Variants in TNFAIP8L3 observed in about 807,000 individuals in gnomAD.
The protein encoded by TNFAIP8L3 is TNF alpha induced protein 8 like 3, also known as tumor necrosis factor alpha-induced protein 8-like protein 3.
Under a neutral mutation model 11.8 loss-of-function variants are expected in TNFAIP8L3, and 7 were observed. The observed-to-expected ratio is 0.59, with a 90% confidence interval of 0.34 to 1.11. The LOEUF (loss-of-function observed/expected upper bound fraction) is 1.11, where lower values mean the gene tolerates loss of function less well. TNFAIP8L3 is among the 50% of genes most tolerant of loss of function. The probability of loss-of-function intolerance (pLI) is 0.03; values close to 1 mark genes in which losing one functional copy is unlikely to be tolerated. For synonymous variants in TNFAIP8L3, 98 were observed against 103.8 expected (o/e 0.94, Z 0.34); for missense variants, 219 against 258.6 (o/e 0.85, Z 1.05).
chr15:51,095,223 CGG>C (rs2065505208), upstream of TNFAIP8L3, among the ~76,000 whole-genome samples: 1 of 22,098 alleles, frequency 4.5e-5, no homozygotes, highest in Non-Finnish European at 9.4e-5. Flanking sequence ...GGAAGGGGGG[CGG>C]GGAATAAGGG....
intron 1 of TNFAIP8L3, among the ~76,000 whole-genome samples, chr15:51,101,160 G>A (rs749961884): frequency 3.3e-5 from 5 of 152,172 alleles, no homozygotes; most frequent in Non-Finnish European, 7.4e-5. Flanking sequence ...TTCATGAGGT[G>A]ACCCCAACCC....
At position 51,058,404 on chromosome 15, in the gene TNFAIP8L3, G is replaced by T; in HGVS notation, c.92C>A (p.Ala31Asp). The T allele has an allele frequency of 6.2e-7, 1 of 1,610,984 alleles. No homozygotes were observed. ...TATTTTGCTCAGAATCTTCTTCTGG[G>T]CTTGAAGCGCAAGACTCTTTGAACT... The part of the protein sequence containing the change: ...VFSSKSLALQ[A>D]QKKILSKIAS... Residue 31 changes from alanine to aspartate, a missense_variant, in exon 2 of 2, where the codon GCC (alanine) becomes GAC (aspartate). By Grantham distance (126) the Ala-to-Asp change is moderately radical. Transcript: ENST00000637513.
At chr15:51,074,595 T>G (rs528065945) in intron 1 of TNFAIP8L3, among the ~76,000 whole-genome samples, 6 of 152,364 alleles carry the variant, frequency 3.9e-5, no homozygotes, top group African/African-American at 1.4e-4. Context: ...ACCAGAGGCC[T>G]GCTTGCCCAA....
At chr15:51,078,607 T>A (rs1209889588) in intron 1 of TNFAIP8L3, among the ~76,000 whole-genome samples, 1 of 151,996 alleles carries the variant, frequency 6.6e-6, no homozygotes, top group Non-Finnish European at 1.5e-5. Context: ...GCCCCGCATG[T>A]TCCCCAGTCC....
chr15:51,101,625 CA>C (rs112137794), intron 1 of TNFAIP8L3, among the ~76,000 whole-genome samples: 21,514 of 126,078 alleles, frequency 0.17, 1,675 homozygotes, highest in Middle Eastern at 0.22. Flanking sequence ...CTGTCTCAAA[CA>C]AAAAAAAAAA....
rs577151174 is a variant in TNFAIP8L3, at chr15:51,082,067, G to A, written c.52+12477C>T. Among the ~76,000 whole-genome samples, 4 of 150,054 alleles carry A rather than the reference G, an allele frequency of 2.7e-5. No homozygotes were observed. In the South Asian group the frequency reaches 8.4e-4, roughly 32 times the overall value. Reference sequence around the variant, plus strand: ...GAATTTTTTTTTTTTTTTTTAATGAGGGGACTTTTCTGGAAGCGTGAAAAA... The same window carrying A: ...GAATTTTTTTTTTTTTTTTTAATGAAGGGACTTTTCTGGAAGCGTGAAAAA... On this transcript the variant is annotated intron_variant, in intron 1 of 1. Transcript: ENST00000637513.
intron 1 of TNFAIP8L3, among the ~76,000 whole-genome samples, chr15:51,080,541 T>C (rs2065383703): frequency 1.3e-5 from 2 of 152,226 alleles, no homozygotes; most frequent in African/African-American, 4.8e-5. Context: ...CCTTCTCTCC[T>C]GTGTCCATCT....
intron 1 of TNFAIP8L3, among the ~76,000 whole-genome samples, chr15:51,090,471 A>G (rs1328642230): frequency 6.6e-6 from 1 of 152,202 alleles, no homozygotes; most frequent in Non-Finnish European, 1.5e-5. Flanking sequence ...GGGCTCCAGA[A>G]GCCCTGCCAA....
At chr15:51,086,172 A>G (rs1466291332) in intron 1 of TNFAIP8L3, among the ~76,000 whole-genome samples, 3 of 152,166 alleles carry the variant, frequency 2.0e-5, no homozygotes, top group Non-Finnish European at 4.4e-5. Context: ...AAAAGGGTGT[A>G]TTTGACTTTG....
chr15:51,068,462 G>A (rs1257985562), intron 1 of TNFAIP8L3, among the ~76,000 whole-genome samples: 2 of 152,142 alleles, frequency 1.3e-5, no homozygotes, highest in Non-Finnish European at 2.9e-5. Flanking sequence ...GTAAGGAAGA[G>A]ATGATGAAAA....
chr15:51,064,178 C>G (rs2065256287), intron 1 of TNFAIP8L3, among the ~76,000 whole-genome samples: 1 of 152,130 alleles, frequency 6.6e-6, no homozygotes, highest in African/African-American at 2.4e-5. Flanking sequence ...ATACTCTACC[C>G]CAAATTGTCA....
chr15:51,059,758 C>T (rs1386758500), intron 1 of TNFAIP8L3, among the ~76,000 whole-genome samples: 1 of 152,264 alleles, frequency 6.6e-6, no homozygotes, highest in Non-Finnish European at 1.5e-5. Context: ...AATTGAGGGT[C>T]CTGGAGAATC....
At chr15:51,064,049 C>A (rs758827202) in intron 1 of TNFAIP8L3, among the ~76,000 whole-genome samples, 1 of 152,104 alleles carries the variant, frequency 6.6e-6, no homozygotes. Context: ...GGAGGGTCAC[C>A]GGGATAGCAT....
chr15:51,099,037 CA>C (rs2065532158), upstream of TNFAIP8L3, among the ~76,000 whole-genome samples: 1 of 152,162 alleles, frequency 6.6e-6, no homozygotes, highest in African/African-American at 2.4e-5. Context: ...GAGAGAGAAA[CA>C]AGAAAGAAAA....
At chr15:51,068,473 G>A (rs1484565645) in intron 1 of TNFAIP8L3, among the ~76,000 whole-genome samples, 1 of 152,122 alleles carries the variant, frequency 6.6e-6, no homozygotes, top group Non-Finnish European at 1.5e-5. Context: ...ATGATGAAAA[G>A]ACCCATCTTC....
chr15:51,102,669 A>T (rs1185054864), intron 1 of TNFAIP8L3, among the ~76,000 whole-genome samples: 1 of 152,198 alleles, frequency 6.6e-6, no homozygotes, highest in Non-Finnish European at 1.5e-5. Flanking sequence ...GCCCAGAGTT[A>T]AGAACAAATG....
chr15:51,079,249 C>G (rs1267514732), intron 1 of TNFAIP8L3, among the ~76,000 whole-genome samples: 3 of 152,260 alleles, frequency 2.0e-5, no homozygotes, highest in African/African-American at 7.2e-5. Flanking sequence ...AGCCCAATTC[C>G]TGCTTAGCTT....
At position 51,094,596 on chromosome 15, in the gene TNFAIP8L3, G is replaced by A. The variant is rs1223935265; in HGVS notation, c.-1C>T. ...TCTGCTCCCCGGAATCCGAATCCATGCTGCGGGCTGCTGGCTGGGCGTCCA... is the reference window on the plus strand; with the variant it reads ...TCTGCTCCCCGGAATCCGAATCCATACTGCGGGCTGCTGGCTGGGCGTCCA... On this transcript the variant is annotated 5_prime_UTR_variant, in exon 1 of 2. Coordinates refer to ENST00000637513, the MANE Select transcript of TNFAIP8L3 (RefSeq NM_001311175.2). The surrounding 1 kb of genome is among the most constrained non-coding windows in gnomAD (Gnocchi z 4.4). 2.0e-6 allele frequency: 3 copies of A among 1,484,930 alleles called. No individual in the cohort carries two copies. The highest frequency in any genetic ancestry group is 2.2e-5 in the Admixed American group (1 of 45,616). The allele number at this position is 1,484,930 out of a possible 1,614,324, so 92.0% of individuals were successfully genotyped here.
chr15:51,081,385 C>A (rs1273145982), intron 1 of TNFAIP8L3, among the ~76,000 whole-genome samples: 1 of 152,200 alleles, frequency 6.6e-6, no homozygotes, highest in Non-Finnish European at 1.5e-5. Flanking sequence ...AAGAGGCTAC[C>A]CTCCAGGTGG....
Sources: allele counts gnomAD v4.1 joint callset (sites outside exome capture counted in the v4.1 genomes callset), GRCh38; gene constraint gnomAD v4.1.1; non-coding constraint Gnocchi (gnomAD v3.1); transcripts MANE v1.5; gene names NCBI Gene and HGNC (gene_info 2026-07-23, HGNC 2026-07-21).